Variants in SDC2 observed in about 807,000 individuals in gnomAD.
SDC2 encodes syndecan-2.
SDC2 carries 13 observed loss-of-function variants against 22.2 expected under a neutral mutation model. The observed-to-expected ratio is 0.59, with a 90% CI of 0.38 to 0.93. The LOEUF is 0.93. Ranked by LOEUF, SDC2 falls within the 40% of genes least tolerant of loss-of-function variation. The pLI is 0.00. For synonymous variants in SDC2, 94 were observed against 92.8 expected (o/e 1.01, Z -0.07); for missense variants, 235 against 246.8 (o/e 0.95, Z 0.32).
In SDC2 at chr8:96,609,407, T is replaced by G; in HGVS notation, c.465T>G (p.Ile155Met). 6.2e-7 allele frequency: 1 copy of G among 1,612,422 alleles called. No homozygotes were observed. Among genetic ancestry groups the G allele is most frequent in the Non-Finnish European group, 8.5e-7 (1 of 1,179,242 alleles). ...VLAAVIAGGVIGFLFAIFLIL... is the reference protein window; with the variant it reads ...VLAAVIAGGVMGFLFAIFLIL... ...CAGCTGTCATTGCTGGTGGAGTTAT[T>G]GGCTTTCTCTTTGCAATTTTTCTTA... The change falls in exon 5 of 5, where the codon ATT becomes ATG. Residue 155 changes from isoleucine to methionine, a missense_variant. Physicochemically the swap from Ile to Met is conservative, Grantham distance 10. Coordinates refer to ENST00000302190, the MANE Select transcript of SDC2 (RefSeq NM_002998.4).
chr8:96,561,919 C>G (rs896426212), intron 1 of SDC2, among the ~76,000 whole-genome samples: 1 of 152,134 alleles, frequency 6.6e-6, no homozygotes, highest in Non-Finnish European at 1.5e-5. Context: ...TTTTGTTTTT[C>G]CAAATATTTT....
intron 1 of SDC2, among the ~76,000 whole-genome samples, chr8:96,539,635 G>A (rs1057336972): frequency 2.0e-5 from 3 of 152,188 alleles, no homozygotes; most frequent in Non-Finnish European, 4.4e-5. Context: ...TGCCTGCATC[G>A]TTTAAGTTGC....
chr8:96,548,849 G>C (rs953840197), intron 1 of SDC2, among the ~76,000 whole-genome samples: 13 of 152,192 alleles, frequency 8.5e-5, no homozygotes, highest in African/African-American at 3.1e-4. Context: ...TCACTGACTT[G>C]AGGTCAGTGT....
intron 3 of SDC2, among the ~76,000 whole-genome samples, chr8:96,607,894 C>T (rs985854113): frequency 1.3e-5 from 2 of 151,988 alleles, no homozygotes; most frequent in African/African-American, 4.8e-5. Context: ...CCCAGTCAGG[C>T]GTGAGAGAAT....
intron 1 of SDC2, among the ~76,000 whole-genome samples, chr8:96,510,326 C>G (rs1195602415): frequency 6.6e-6 from 1 of 152,170 alleles, no homozygotes; most frequent in African/African-American, 2.4e-5. Context: ...TTCCATGGAG[C>G]TGTATTGTTT....
rs185023517 is a variant in SDC2, at chr8:96,518,402, G to A, written c.60+24071G>A. On this transcript the variant is annotated intron_variant, in intron 1 of 4. Transcript: ENST00000302190. ...TTGAGACAGAGTCTCTCTCTGTCACGCAGGCTGGAGTGCAGTGGCGCGATC... is the reference window on the plus strand; with the variant it reads ...TTGAGACAGAGTCTCTCTCTGTCACACAGGCTGGAGTGCAGTGGCGCGATC... 6.9e-3 allele frequency among the ~76,000 whole-genome samples: 975 copies of A among 140,452 alleles called. 17 individuals carry two copies. The highest frequency in any genetic ancestry group is 0.025 in the African/African-American group (922 of 37,400). 92.1% of individuals were successfully genotyped at this position (140,452 alleles called of 152,430 possible). A position where few individuals can be genotyped will look rare whatever the true frequency, so the allele number is the denominator to read the frequency against.
chr8:96,515,975 T>C (rs1813395937), intron 1 of SDC2, among the ~76,000 whole-genome samples: 2 of 152,182 alleles, frequency 1.3e-5, no homozygotes, highest in Admixed American at 1.3e-4. Context: ...AGTGTTGGGC[T>C]GGAAGGGGAG....
intron 1 of SDC2, among the ~76,000 whole-genome samples, chr8:96,566,076 C>T (rs1340907775): frequency 6.6e-6 from 1 of 152,152 alleles, no homozygotes; most frequent in East Asian, 1.9e-4. Context: ...TCTGGTCTTC[C>T]TCACATGGGC....
chr8:96,572,304 A>G (rs546870965), intron 1 of SDC2, among the ~76,000 whole-genome samples: 3 of 152,002 alleles, frequency 2.0e-5, no homozygotes, highest in Non-Finnish European at 2.9e-5. Flanking sequence ...CATCTTATGG[A>G]AAGTTTTTTT....
chr8:96,498,408 C>G (rs1813107260), intron 1 of SDC2, among the ~76,000 whole-genome samples: 1 of 152,136 alleles, frequency 6.6e-6, no homozygotes. Flanking sequence ...AGCTCCTGAC[C>G]TGAGCTCAGC....
At chr8:96,539,191 T>C (rs901544403) in intron 1 of SDC2, among the ~76,000 whole-genome samples, 3 of 152,260 alleles carry the variant, frequency 2.0e-5, no homozygotes, top group African/African-American at 7.2e-5. Context: ...TAGAATTTTA[T>C]GTGTCCATGT....
chr8:96,597,636 C>T (rs984767496), intron 2 of SDC2, among the ~76,000 whole-genome samples: 8 of 152,118 alleles, frequency 5.3e-5, no homozygotes, highest in East Asian at 1.9e-4. Flanking sequence ...AGCAGATGCT[C>T]GAACAATGGC....
chr8:96,593,614 C>A, intron 2 of SDC2, 23 bp downstream of exon 2: 3 of 1,434,218 alleles, frequency 2.1e-6, no homozygotes, highest in African/African-American at 1.4e-5. Flanking sequence ...CTTCTAAACA[C>A]TGGACCTCAT....
chr8:96,512,000 TCA>T (rs1262585928), intron 1 of SDC2, among the ~76,000 whole-genome samples: 1 of 152,218 alleles, frequency 6.6e-6, no homozygotes, highest in East Asian at 1.9e-4. Context: ...TCTGCTGTGC[TCA>T]CACGCAGTTC....
At chr8:96,561,332 T>C (rs2455043) in intron 1 of SDC2, among the ~76,000 whole-genome samples, 138,870 of 152,200 alleles carry the variant, frequency 0.91, 63,599 homozygotes, top group African/African-American at 0.94. Context: ...GTAAATACAC[T>C]ATACATAGAG....
intron 1 of SDC2, among the ~76,000 whole-genome samples, chr8:96,499,643 T>C (rs963201201): frequency 2.6e-5 from 4 of 152,138 alleles, no homozygotes; most frequent in Non-Finnish European, 5.9e-5. Flanking sequence ...TGTGTGTAAA[T>C]TGGACCTAAG....
chr8:96,601,949 G>A (rs1166188519), intron 2 of SDC2, among the ~76,000 whole-genome samples: 2 of 98,582 alleles, frequency 2.0e-5, no homozygotes, highest in Non-Finnish European at 4.1e-5. Context: ...TAGTAGAGAT[G>A]AGGTTTCACC....
chr8:96,525,490 C>T (rs1182430422), intron 1 of SDC2, among the ~76,000 whole-genome samples: 3 of 152,140 alleles, frequency 2.0e-5, no homozygotes, highest in Non-Finnish European at 4.4e-5. Context: ...TTACTTTGTG[C>T]GTTGCTTGGG....
rs142924782 is a variant in SDC2 at position 96,602,504 on chromosome 8, G to C, written c.282G>C (p.Gln94His). Residue 94 changes from glutamine to histidine, a missense_variant, in exon 3 of 5, where the codon CAG becomes CAC. Coordinates refer to ENST00000302190, the MANE Select transcript of SDC2 (RefSeq NM_002998.4). ...PKVETTTLNI[Q>H]NKIPAQTKSP... Reference sequence around the variant, plus strand: ...TGGAAACCACGACGCTGAATATACAGAACAAGATACCTGCTCAGACAAAGG... The same window carrying C: ...TGGAAACCACGACGCTGAATATACACAACAAGATACCTGCTCAGACAAAGG... 6.2e-7 allele frequency: 1 copy of C among 1,614,116 alleles called. No individual in the cohort carries two copies. The highest frequency in any genetic ancestry group is 8.5e-7 in the Non-Finnish European group (1 of 1,179,984).
Sources: gnomAD v4.1 joint callset for allele counts (sites outside exome capture counted in the v4.1 genomes callset) on GRCh38, gnomAD v4.1.1 for gene constraint, MANE v1.5 for transcripts, NCBI Gene and HGNC (gene_info 2026-07-23, HGNC 2026-07-21) for gene names.